Variants in HERC3 observed in about 807,000 individuals in gnomAD.
HERC3 encodes HECT and RLD domain containing E3 ubiquitin protein ligase 3, also known as probable E3 ubiquitin-protein ligase HERC3.
A neutral mutation model predicts 129.9 loss-of-function variants in HERC3; 58 were observed. The ratio of observed to expected loss-of-function variants is 0.45; its 90% confidence interval spans 0.36 to 0.56. The LOEUF (loss-of-function observed/expected upper bound fraction) is 0.56. Among genes scored for constraint, HERC3 ranks in the 20% least tolerant of loss-of-function variants. HERC3 has a pLI of 0.00. For missense variants in HERC3, 835 were observed against 1,244.2 expected (o/e 0.67, Z 4.95); for synonymous variants, 430 against 451.0 (o/e 0.95, Z 0.59).
the HERC3 span, among the ~76,000 whole-genome samples, chr4:88,577,605 G>GTATATATATATATATGTGTATA: frequency 7.6e-6 from 1 of 131,836 alleles, no homozygotes; most frequent in South Asian, 2.2e-4. Flanking sequence ...GTATGTGTGT[G>GTATATATATATATATGTGTATA]TATATATATA....
intron 19 of HERC3, 113 bp from the exon 20 acceptor site, chr4:88,679,980 T>G: frequency 1.1e-6 from 1 of 907,226 alleles, no homozygotes; most frequent in Non-Finnish European, 1.6e-6. Flanking sequence ...TCAGTGTGTA[T>G]TCTTTGTTAT....
intron 1 of HERC3, 115 bp downstream of exon 1, chr4:88,592,689 G>GCGGCTC (rs1167070059): frequency 6.6e-6 from 1 of 152,656 alleles, no homozygotes; most frequent in Non-Finnish European, 1.5e-5. Flanking sequence ...AGGGGCGGCT[G>GCGGCTC]CGGCTCCTCC....
At chr4:88,562,140 C>T in the HERC3 span, among the ~76,000 whole-genome samples, 1 of 152,138 alleles carries the variant, frequency 6.6e-6, no homozygotes, top group Admixed American at 6.5e-5. Flanking sequence ...TTTTTTTCTA[C>T]ACCCTCACCC....
chr4:88,648,859 A>G (rs977422154), intron 3 of HERC3, among the ~76,000 whole-genome samples: 1 of 148,394 alleles, frequency 6.7e-6, no homozygotes, highest in African/African-American at 2.5e-5. Context: ...TCTATTTCCT[A>G]GAAAATCTCT....
intron 23 of HERC3, chr4:88,693,207 C>G (rs1734252998): frequency 1.0e-6 from 1 of 980,784 alleles, no homozygotes; most frequent in African/African-American, 1.8e-5. Flanking sequence ...TTCCCCCCCA[C>G]CACCATTTTT....
the HERC3 span, among the ~76,000 whole-genome samples, chr4:88,533,042 A>T: frequency 4.4e-3 from 676 of 152,194 alleles, 5 homozygotes; most frequent in African/African-American, 0.015. Context: ...GAGTCCCAAA[A>T]CCTCAAAAGT....
chr4:88,624,410 A>G (rs1725868252), intron 3 of HERC3, among the ~76,000 whole-genome samples: 1 of 152,194 alleles, frequency 6.6e-6, no homozygotes, highest in African/African-American at 2.4e-5. Context: ...AATTTTAGCC[A>G]TCCAAGTTGG....
intron 3 of HERC3, among the ~76,000 whole-genome samples, chr4:88,634,216 C>T (rs1727097752): frequency 1.3e-5 from 2 of 152,192 alleles, no homozygotes; most frequent in Non-Finnish European, 2.9e-5. Flanking sequence ...CGGAACTGTG[C>T]AACCCACAGA....
chr4:88,706,857 C>T lies in HERC3; in HGVS notation c.3050C>T (p.Thr1017Ile), dbSNP rs1320498691. Reference protein sequence around the residue: ...SGEEYLPVAHTCYNLLDLPKY... With the variant: ...SGEEYLPVAHICYNLLDLPKY... ...GAGGAGTACTTGCCGGTGGCCCACA[C>T]TTGCTACAACCTTCTTGACCTCCCC... The change falls in exon 26 of 26, where the codon ACT (threonine) becomes ATT (isoleucine). Residue 1017 changes from threonine (T) to isoleucine (I), a missense_variant. Coordinates refer to ENST00000402738, the MANE Select transcript of HERC3 (RefSeq NM_014606.3). The T allele has an allele frequency of 6.2e-7, 1 of 1,614,162 alleles. No individual in the cohort carries two copies. The highest frequency in any genetic ancestry group is 1.1e-5 in the South Asian group (1 of 91,072).
At chr4:88,670,470 G>T (rs931514705) in intron 16 of HERC3, among the ~76,000 whole-genome samples, 1 of 152,092 alleles carries the variant, frequency 6.6e-6, no homozygotes, top group Non-Finnish European at 1.5e-5. Flanking sequence ...CATTTTATCA[G>T]TTGCCCCCTT....
chr4:88,615,180 G>T (rs1338842830), intron 3 of HERC3, among the ~76,000 whole-genome samples: 1 of 152,130 alleles, frequency 6.6e-6, no homozygotes, highest in Non-Finnish European at 1.5e-5. Flanking sequence ...GAATTTTTGT[G>T]TTACAATAGC....
chr4:88,613,938 A>G lies in HERC3; in HGVS notation c.226+7889A>G, dbSNP rs996256379. On this transcript the variant is annotated intron_variant, in intron 3 of 25. Transcript: ENST00000402738. ...GGAGAAACTGTCATTTAATAATTTT[A>G]TTGTGGGATAATTGATCGGAATTTT... is the stretch of plus-strand genomic sequence containing the variant. 2.1e-5 allele frequency among the ~76,000 whole-genome samples: 3 copies of G among 142,472 alleles called. No homozygotes were observed. The East Asian group carries it at 6.4e-4, about 30-fold the overall frequency. 93.5% of individuals were successfully genotyped at this position (142,472 alleles called of 152,430 possible). A position where few individuals can be genotyped will look rare whatever the true frequency, so the allele number is the denominator to read the frequency against.
chr4:88,624,443 G>A (rs1020298484), intron 3 of HERC3, among the ~76,000 whole-genome samples: 21 of 152,134 alleles, frequency 1.4e-4, no homozygotes, highest in African/African-American at 4.3e-4. Flanking sequence ...TCTCCTTGTC[G>A]TTTTAATATA....
the HERC3 span, among the ~76,000 whole-genome samples, chr4:88,555,711 C>G: frequency 2.0e-5 from 3 of 152,124 alleles, no homozygotes; most frequent in Non-Finnish European, 4.4e-5. Flanking sequence ...AATTTACTTA[C>G]TATTTTGTAT....
chr4:88,618,082 G>T (rs1725120629), intron 3 of HERC3, among the ~76,000 whole-genome samples: 1 of 152,194 alleles, frequency 6.6e-6, no homozygotes, highest in African/African-American at 2.4e-5. Context: ...CAGTTGTGCT[G>T]AACTCACCAG....
At chr4:88,553,793 C>A in the HERC3 span, among the ~76,000 whole-genome samples, 1 of 152,158 alleles carries the variant, frequency 6.6e-6, no homozygotes, top group African/African-American at 2.4e-5. Context: ...GCCTTGGCCT[C>A]CCAAAGTGCT....
the HERC3 span, among the ~76,000 whole-genome samples, chr4:88,565,210 C>G: frequency 3.3e-5 from 5 of 152,042 alleles, no homozygotes; most frequent in African/African-American, 1.2e-4. Context: ...ATGTATTCTA[C>G]AGCCACTGGA....
At chr4:88,637,245 G>T (rs573012572) in intron 3 of HERC3, among the ~76,000 whole-genome samples, 1 of 151,800 alleles carries the variant, frequency 6.6e-6, no homozygotes, top group Non-Finnish European at 1.5e-5. Context: ...CTAACATGAC[G>T]AAACCCCGTC....
intron 2 of HERC3, among the ~76,000 whole-genome samples, chr4:88,601,801 A>G (rs1376018213): frequency 0.14 from 17,700 of 124,968 alleles, 3,695 homozygotes; most frequent in African/African-American, 0.47. Flanking sequence ...TTACGCCTGT[A>G]ATCCCAGCAC....
Sources: gnomAD v4.1 joint callset for allele counts (sites outside exome capture counted in the v4.1 genomes callset) on GRCh38, gnomAD v4.1.1 for gene constraint, MANE v1.5 for transcripts, NCBI Gene and HGNC (gene_info 2026-07-23, HGNC 2026-07-21) for gene names.